The following LONRF3 variants were observed in gnomAD, a reference collection of about 807,000 sequenced individuals.
LONRF3 encodes the protein LON peptidase N-terminal domain and ring finger 3.
In LONRF3, 19 loss-of-function variants were observed where a neutral mutation model predicts 51.7. The observed-to-expected ratio is 0.37, with a 90% confidence interval of 0.26 to 0.54. LONRF3 has a LOEUF of 0.54. LONRF3 is among the 20% of genes least tolerant of loss of function. The probability of loss-of-function intolerance (pLI) is 0.86; values close to 1 mark genes in which losing one functional copy is unlikely to be tolerated. For missense variants in LONRF3, 521 were observed against 623.9 expected (o/e 0.84, Z 1.76); for synonymous variants, 265 against 257.8 (o/e 1.03, Z -0.27).
At chrX:119,008,329 G>T (rs1166110237) in intron 6 of LONRF3, among the ~76,000 whole-genome samples, 1 of 112,053 alleles carries the variant, frequency 8.9e-6, no homozygotes, top group African/African-American at 3.2e-5. Flanking sequence ...GGGACTGTAG[G>T]GGTAGTTTCC....
At chrX:118,993,426 T>C (rs1345561926) in intron 5 of LONRF3, among the ~76,000 whole-genome samples, 1 of 110,852 alleles carries the variant, frequency 9.0e-6, no homozygotes, top group Admixed American at 9.6e-5. Flanking sequence ...AAGAAAGAAA[T>C]TCAGAGCTTG....
intron 1 of LONRF3, 128 bp downstream of exon 1, chrX:118,975,725 T>TGGGG: frequency 5.0e-5 from 2 of 40,058 alleles, no homozygotes. Flanking sequence ...CCATGGACTG[T>TGGGG]GGCGGGGTGG....
At chrX:118,984,724 T>C (rs1922826623) in intron 3 of LONRF3, among the ~76,000 whole-genome samples, 1 of 112,031 alleles carries the variant, frequency 8.9e-6, no homozygotes, top group Admixed American at 9.4e-5. Flanking sequence ...TGTATGCCCG[T>C]GATGAGTGTT....
At chrX:118,975,653 C>A in intron 1 of LONRF3, 56 bp downstream of exon 1, 1 of 802,115 alleles carries the variant, frequency 1.2e-6, no homozygotes, top group South Asian at 2.8e-5. Flanking sequence ...CATGAGGGAG[C>A]GGGAGAACAA....
intron 5 of LONRF3, among the ~76,000 whole-genome samples, chrX:119,001,050 A>G (rs988534299): frequency 9.0e-6 from 1 of 111,731 alleles, no homozygotes; most frequent in Non-Finnish European, 1.9e-5. Flanking sequence ...TATTATTGCT[A>G]TTGTTTACTC....
rs778988695 is a variant in LONRF3, at chrX:118,975,459, G to C, written c.679G>C (p.Val227Leu). 1.7e-6 allele frequency: 2 copies of C among 1,194,326 alleles called. No individual in the cohort carries two copies. Among genetic ancestry groups the C allele is most frequent in the Non-Finnish European group, 2.3e-6 (2 of 887,413 alleles). Residue 227 changes from valine (V) to leucine (L), a missense_variant, in exon 1 of 11, where the codon GTG becomes CTG. By Grantham distance (32) the Val-to-Leu change is conservative. This residue lies in a region of LONRF3 where 376 missense variants were observed against 376.7 expected (regional missense o/e 1.00). Transcript: ENST00000371628. ...QQPPPPLRVN[V>L]VLSGLLGKLF... ...GCCGCCGCCGCCGCTGCGAGTCAACGTGGTGCTCAGCGGCCTCCTCGGCAA... is the reference window on the plus strand; with the variant it reads ...GCCGCCGCCGCCGCTGCGAGTCAACCTGGTGCTCAGCGGCCTCCTCGGCAA...
At chrX:119,000,292 A>G (rs1266021603) in intron 5 of LONRF3, among the ~76,000 whole-genome samples, 3 of 112,248 alleles carry the variant, frequency 2.7e-5, no homozygotes, top group Non-Finnish European at 3.8e-5. Context: ...TAGAAAAACA[A>G]GTTAGAGTAT....
intron 3 of LONRF3, among the ~76,000 whole-genome samples, chrX:118,985,671 A>T (rs755647231): frequency 8.9e-6 from 1 of 111,969 alleles, no homozygotes; most frequent in African/African-American, 3.2e-5. Flanking sequence ...CTAGGATAAC[A>T]TAACGTGGTG....
At chrX:119,005,654 C>T (rs1004364317) in intron 5 of LONRF3, among the ~76,000 whole-genome samples, 1 of 111,732 alleles carries the variant, frequency 8.9e-6, no homozygotes, top group Admixed American at 9.5e-5. Context: ...GGTTAGCAAA[C>T]GGTTTTTTTC....
intron 3 of LONRF3, among the ~76,000 whole-genome samples, chrX:118,984,936 T>A (rs894733432): frequency 2.7e-5 from 3 of 112,338 alleles, no homozygotes; most frequent in African/African-American, 9.7e-5. Context: ...AGGCTGTGTT[T>A]CTTTTTAATG....
intron 5 of LONRF3, among the ~76,000 whole-genome samples, chrX:119,002,769 A>T (rs1307212459): frequency 9.0e-6 from 1 of 110,776 alleles, no homozygotes; most frequent in Non-Finnish European, 1.9e-5. Flanking sequence ...ACATTTTTTG[A>T]TGAACTTAAA....
At chrX:118,986,854 T>C in intron 3 of LONRF3, 1 of 1,004,941 alleles carries the variant, frequency 1.0e-6, no homozygotes, top group Non-Finnish European at 1.3e-6. Context: ...CCCTCCCCCC[T>C]TCACCCTCCT....
At chrX:118,978,300 G>T (rs1258944967) in intron 1 of LONRF3, 45 bp from the exon 2 acceptor site, 1 of 863,285 alleles carries the variant, frequency 1.2e-6, no homozygotes, top group African/African-American at 2.0e-5. Context: ...ACACCTGCTT[G>T]CGCTGGGGGC....
At chrX:118,986,898 A>G (rs1237238209) in intron 3 of LONRF3, 5 of 1,144,853 alleles carry the variant, frequency 4.4e-6, no homozygotes, top group Admixed American at 5.2e-5. Flanking sequence ...AAACTTAAGT[A>G]GTGAAGTCTT....
chrX:118,979,087 G>A (rs1420170110), intron 2 of LONRF3, among the ~76,000 whole-genome samples: 4 of 95,473 alleles, frequency 4.2e-5, no homozygotes, highest in East Asian at 3.6e-4. Context: ...TGCAACCTCC[G>A]CCTCCTGGGT....
At chrX:118,978,966 CCTTT>C (rs1461822611) in intron 2 of LONRF3, among the ~76,000 whole-genome samples, 1 of 106,303 alleles carries the variant, frequency 9.4e-6, no homozygotes, top group African/African-American at 3.4e-5. Flanking sequence ...TTCCTTCCTT[CCTTT>C]CTCTCTCTCT....
rs769662347 is a variant in LONRF3 at position 118,975,485 on chromosome X, G to A, written c.705G>A (p.Lys235=). The A allele has an allele frequency of 1.7e-6, 2 of 1,202,698 alleles. No individual in the cohort carries two copies. The highest frequency in any genetic ancestry group is 2.2e-5 in the Admixed American group (1 of 45,391). ...TGGTGCTCAGCGGCCTCCTCGGCAA[G>A]TTGTTTCCAGGCCCAGCGCGAGCGT... ...VNVVLSGLLG[K]LFPGPARASQ... Residue 235 remains lysine, a synonymous_variant, in exon 1 of 11, where the codon AAG becomes AAA. Coordinates refer to ENST00000371628, the MANE Select transcript of LONRF3 (RefSeq NM_001031855.3).
chrX:119,004,713 G>T (rs1382700044), intron 5 of LONRF3, among the ~76,000 whole-genome samples: 1 of 111,789 alleles, frequency 8.9e-6, no homozygotes. Flanking sequence ...GGAGGGATGG[G>T]TATGTTTCCT....
At chrX:118,977,939 T>A (rs1922214147) in intron 1 of LONRF3, among the ~76,000 whole-genome samples, 2 of 111,638 alleles carry the variant, frequency 1.8e-5, no homozygotes, top group Admixed American at 9.5e-5. Flanking sequence ...TCTTGGTGGT[T>A]CAGATAGGGG....
Sources: allele counts gnomAD v4.1 joint callset (sites outside exome capture counted in the v4.1 genomes callset), GRCh38; gene constraint gnomAD v4.1.1; regional missense constraint gnomAD v4.1.1; transcripts MANE v1.5; gene names NCBI Gene and HGNC (gene_info 2026-07-23, HGNC 2026-07-21).